The following SAMD3 variants were observed in gnomAD, a reference collection of about 807,000 sequenced individuals.
SAMD3 encodes sterile alpha motif domain containing 3.
In SAMD3, 63 loss-of-function variants were observed where a neutral mutation model predicts 58.5. The observed-to-expected ratio is 1.08, with a 90% CI of 0.88 to 1.33. SAMD3 has a LOEUF of 1.33. SAMD3 is among the 40% of genes most tolerant of loss of function. The pLI is 0.00. For missense variants in SAMD3, 604 were observed against 608.4 expected, an observed-to-expected ratio of 0.99 and a Z score of 0.08; for synonymous variants, 220 against 210.3, an observed-to-expected ratio of 1.05 and a Z score of -0.40.
chr6:130,338,391 G>A (rs1777165746), intron 1 of SAMD3, among the ~76,000 whole-genome samples: 2 of 152,246 alleles, frequency 1.3e-5, no homozygotes, highest in Admixed American at 6.5e-5. Flanking sequence ...CAGTGTGAAA[G>A]GGAAATGTGG....
intron 2 of SAMD3, among the ~76,000 whole-genome samples, chr6:130,263,166 C>T (rs1226631904): frequency 6.6e-6 from 1 of 151,948 alleles, no homozygotes; most frequent in Non-Finnish European, 1.5e-5. Context: ...TGGTTTAAAA[C>T]CTAATAAAAA....
intron 1 of SAMD3, among the ~76,000 whole-genome samples, chr6:130,318,564 G>A (rs1054767391): frequency 2.9e-4 from 44 of 151,744 alleles, no homozygotes; most frequent in African/African-American, 1.1e-3. Flanking sequence ...GAGTAGCTGG[G>A]ATTACAGGCA....
intron 2 of SAMD3, among the ~76,000 whole-genome samples, chr6:130,296,358 T>G (rs1775569520): frequency 6.6e-6 from 1 of 152,006 alleles, no homozygotes; most frequent in Non-Finnish European, 1.5e-5. Context: ...CCCAGGAAAC[T>G]CAGAGTCCAT....
At chr6:130,357,116 A>ATTT (rs1777853800) in intron 1 of SAMD3, among the ~76,000 whole-genome samples, 2 of 136,996 alleles carry the variant, frequency 1.5e-5, no homozygotes, top group African/African-American at 5.5e-5. Context: ...CTGCCATGGC[A>ATTT]TCTTTTTTTT....
chr6:130,185,569 T>C (rs377399890), intron 5 of SAMD3, among the ~76,000 whole-genome samples: 2 of 151,720 alleles, frequency 1.3e-5, no homozygotes, highest in East Asian at 1.9e-4. Context: ...CCTCGTGATC[T>C]GCCCACCTTG....
At chr6:130,357,424 G>A (rs1396481316) in intron 1 of SAMD3, among the ~76,000 whole-genome samples, 1 of 151,900 alleles carries the variant, frequency 6.6e-6, no homozygotes, top group East Asian at 1.9e-4. Flanking sequence ...ACACCCGGCC[G>A]GCATCTTTTA....
chr6:130,263,317 A>G (rs567255930), intron 2 of SAMD3, among the ~76,000 whole-genome samples: 1 of 152,282 alleles, frequency 6.6e-6, no homozygotes, highest in East Asian at 1.9e-4. Flanking sequence ...TCCCTCAAAA[A>G]CTAAAAGTCT....
At chr6:130,349,980 A>G (rs1223754432) in intron 1 of SAMD3, among the ~76,000 whole-genome samples, 1 of 152,250 alleles carries the variant, frequency 6.6e-6, no homozygotes, top group Non-Finnish European at 1.5e-5. Flanking sequence ...CCACATGATT[A>G]TCTCAATAGA....
chr6:130,304,608 C>T (rs1294601552), intron 2 of SAMD3, among the ~76,000 whole-genome samples: 1 of 152,134 alleles, frequency 6.6e-6, no homozygotes. Flanking sequence ...AAACAAATCT[C>T]TCCACTTACT....
intron 2 of SAMD3, among the ~76,000 whole-genome samples, chr6:130,230,670 G>A (rs111451913): frequency 0.019 from 2,850 of 152,312 alleles, 77 homozygotes; most frequent in African/African-American, 0.064. Flanking sequence ...TTACAGGCAT[G>A]AGCCACCATG....
At chr6:130,217,096 CAGGTTAAATTATAACAT>C (rs1396075607) in intron 1 of SAMD3, among the ~76,000 whole-genome samples, 3 of 152,068 alleles carry the variant, frequency 2.0e-5, no homozygotes, top group Non-Finnish European at 4.4e-5. Context: ...AAAAACAAAA[CAGGTTAAATTATAACAT>C]CATACAAACA....
At chr6:130,300,703 T>G (rs1225493949) in intron 2 of SAMD3, among the ~76,000 whole-genome samples, 1 of 152,212 alleles carries the variant, frequency 6.6e-6, no homozygotes, top group Non-Finnish European at 1.5e-5. Context: ...TGTTCTCTGA[T>G]GACATGATTC....
intron 2 of SAMD3, among the ~76,000 whole-genome samples, chr6:130,310,316 T>C (rs1776104579): frequency 6.6e-6 from 1 of 152,246 alleles, no homozygotes; most frequent in Non-Finnish European, 1.5e-5. Context: ...TTTCATTTCA[T>C]ATATGGTGAG....
rs566500701 is a variant in SAMD3, at chr6:130,350,327, C to T, written c.-304+14793G>A. Among the ~76,000 whole-genome samples, 653 of 152,176 alleles carry T rather than the reference C, an allele frequency of 4.3e-3. 5 individuals carry two copies. The highest frequency in any genetic ancestry group is 0.015 in the African/African-American group (611 of 41,488). On this transcript the variant is annotated intron_variant, in intron 1 of 13. Transcript: ENST00000368134. ...TGATTGTATATCTAGAAAACCCCAT[C>T]ATCTCAGCCAAAAATCTCCTTAAGC...
chr6:130,175,264 C>T (rs1000041410), intron 8 of SAMD3, among the ~76,000 whole-genome samples: 28 of 152,144 alleles, frequency 1.8e-4, no homozygotes, highest in African/African-American at 2.7e-4. Context: ...GGATCTCAGA[C>T]AATTGGAATT....
At chr6:130,328,087 C>G (rs560666123) in intron 1 of SAMD3, among the ~76,000 whole-genome samples, 1 of 152,168 alleles carries the variant, frequency 6.6e-6, no homozygotes, top group Non-Finnish European at 1.5e-5. Flanking sequence ...CCCATTGAAG[C>G]TGAGGTTTGA....
chr6:130,272,034 A>G (rs906044457), intron 2 of SAMD3, among the ~76,000 whole-genome samples: 1 of 152,178 alleles, frequency 6.6e-6, no homozygotes, highest in Admixed American at 6.5e-5. Flanking sequence ...ATCATCATCC[A>G]TCTTTTAATT....
chr6:130,250,007 A>T (rs533323595), intron 2 of SAMD3, among the ~76,000 whole-genome samples: 2 of 152,254 alleles, frequency 1.3e-5, no homozygotes, highest in South Asian at 2.1e-4. Context: ...ACAGAGTTTG[A>T]TGCTAAACAA....
rs1046670383 is a variant in SAMD3 at position 130,271,007 on chromosome 6, GT to G, written c.-188+41970del. ...AATCTTGTTTTTTTTGTTTTTTTTT[GT>G]TTTTTTTTCCTTAGGGTCTCACTCT... On this transcript the variant is annotated intron_variant, in intron 2 of 13. Coordinates refer to the SAMD3 transcript ENST00000368134. Among the ~76,000 whole-genome samples, 67 of 146,614 alleles carry G rather than the reference GT, an allele frequency of 4.6e-4. No individual in the cohort carries two copies. The East Asian group carries it at 0.012, about 26-fold the overall frequency.
Sources: gnomAD v4.1 joint callset for allele counts (sites outside exome capture counted in the v4.1 genomes callset) on GRCh38, gnomAD v4.1.1 for gene constraint, MANE v1.5 for transcripts, NCBI Gene and HGNC (gene_info 2026-07-23, HGNC 2026-07-21) for gene names.